HRH2: variants seen among roughly 807,000 people sequenced by gnomAD.
HRH2 encodes histamine H2 receptor.
Under a neutral mutation model 20.1 loss-of-function variants are expected in HRH2, and 4 were observed. The ratio of observed to expected loss-of-function variants is 0.20; its 90% CI spans 0.10 to 0.45. The LOEUF (loss-of-function observed/expected upper bound fraction) is 0.45, where lower values mean the gene tolerates loss of function less well. Ranked by LOEUF, HRH2 falls within the 20% of genes least tolerant of loss-of-function variation. The pLI, the probability that HRH2 is intolerant of heterozygous loss-of-function variation, is 0.99. For missense variants in HRH2, 250 were observed against 461.6 expected (o/e 0.54, Z 4.20); for synonymous variants, 197 against 200.7 (o/e 0.98, Z 0.16).
At chr5:175,695,726 C>CTG (rs1484256562) in intron 2 of HRH2, among the ~76,000 whole-genome samples, 1 of 152,166 alleles carries the variant, frequency 6.6e-6, no homozygotes, top group Non-Finnish European at 1.5e-5. Flanking sequence ...AGAAGTGCTG[C>CTG]GGGGGCAGCA....
intron 1 of HRH2, among the ~76,000 whole-genome samples, chr5:175,679,492 T>C (rs1467957677): frequency 2.0e-5 from 3 of 152,352 alleles, no homozygotes; most frequent in Non-Finnish European, 4.4e-5. Flanking sequence ...GAAAACAGCA[T>C]GTGCAAAGGC....
intron 2 of HRH2, among the ~76,000 whole-genome samples, chr5:175,707,464 T>A (rs1008795267): frequency 2.0e-5 from 3 of 152,020 alleles, no homozygotes; most frequent in African/African-American, 7.3e-5. Flanking sequence ...ACAAAAATCG[T>A]GAATTGGATA....
Position 175,683,115 on chromosome 5 carries a change from G to A in HRH2, c.-119G>A, listed in dbSNP as rs1181356019. 5.0e-6 allele frequency: 4 copies of A among 806,198 alleles called. No homozygotes were observed. Among genetic ancestry groups the A allele is most frequent in the Non-Finnish European group, 7.1e-6 (4 of 564,174 alleles). 49.9% of individuals were successfully genotyped at this position (806,198 alleles called of 1,614,324 possible). ...CCAAAAAAAAAAAAAAAAAAAAACT[G>A]GACACATTTTGGATCTGTTGGGAGC... On this transcript the variant is annotated 5_prime_UTR_variant, in exon 2 of 3. Transcript: ENST00000636584.
chr5:175,664,287 C>T (rs1762823198), intron 1 of HRH2, among the ~76,000 whole-genome samples: 1 of 152,208 alleles, frequency 6.6e-6, no homozygotes, highest in Non-Finnish European at 1.5e-5. Flanking sequence ...TTCATTCACA[C>T]ATTCAGTCAC....
intron 2 of HRH2, among the ~76,000 whole-genome samples, chr5:175,698,279 C>T (rs189217685): frequency 7.9e-5 from 12 of 152,318 alleles, no homozygotes; most frequent in Admixed American, 5.2e-4. Flanking sequence ...TCGTATTATC[C>T]GTCTGTGCCG....
intron 1 of HRH2, among the ~76,000 whole-genome samples, chr5:175,662,915 C>A (rs540036898): frequency 6.6e-6 from 1 of 152,336 alleles, no homozygotes; most frequent in East Asian, 1.9e-4. Flanking sequence ...TTCACAAAAA[C>A]TGAATCATAC....
In HRH2 at chr5:175,684,096, A is replaced by G. The variant is rs780368751; in HGVS notation, c.863A>G (p.Tyr288Cys). The G allele has an allele frequency of 6.2e-7, 1 of 1,614,060 alleles. No homozygotes were observed. The highest frequency in any genetic ancestry group is 1.3e-5 in the African/African-American group (1 of 74,898). The change falls in exon 2 of 3, where the codon TAT becomes TGT. Residue 288 changes from tyrosine (Y) to cysteine (C), a missense_variant. Tyr to Cys is a radical substitution (Grantham distance 194). Around this residue, in one of 5 missense-constraint regions of HRH2, gnomAD observed 58 missense variants for 166.8 expected, o/e 0.35. Transcript: ENST00000636584. ...AACTCAGCCCTGAACCCCATCCTGTATGCTGCGCTGAACAGAGACTTCCGC... is the reference window on the plus strand; with the variant it reads ...AACTCAGCCCTGAACCCCATCCTGTGTGCTGCGCTGAACAGAGACTTCCGC... ...YANSALNPILYAALNRDFRTG... is the reference protein window; with the variant it reads ...YANSALNPILCAALNRDFRTG...
intron 2 of HRH2, among the ~76,000 whole-genome samples, chr5:175,696,098 G>A (rs1323618401): frequency 2.0e-5 from 3 of 152,262 alleles, no homozygotes; most frequent in African/African-American, 7.2e-5. Flanking sequence ...GGGCTGGGAT[G>A]TAATGAGGGA....
chr5:175,692,731 A>T (rs935527353), intron 2 of HRH2, among the ~76,000 whole-genome samples: 1 of 152,336 alleles, frequency 6.6e-6, no homozygotes, highest in East Asian at 1.9e-4. Context: ...GGTGCCCCCC[A>T]TCTGAAAACG....
At chr5:175,695,827 C>T (rs527595536) in intron 2 of HRH2, among the ~76,000 whole-genome samples, 7 of 152,326 alleles carry the variant, frequency 4.6e-5, no homozygotes, top group East Asian at 3.9e-4. Flanking sequence ...GAGGAGTCTT[C>T]GAAGGGGCTG....
intron 1 of HRH2, among the ~76,000 whole-genome samples, chr5:175,679,955 C>CCT (rs937348442): frequency 1.3e-5 from 2 of 152,150 alleles, no homozygotes; most frequent in Non-Finnish European, 2.9e-5. Context: ...CATCACCTGG[C>CCT]CTCTTTGAGC....
chr5:175,699,680 T>G (rs1218636854), intron 2 of HRH2, among the ~76,000 whole-genome samples: 1 of 152,106 alleles, frequency 6.6e-6, no homozygotes, highest in Non-Finnish European at 1.5e-5. Flanking sequence ...TTCACGCCAT[T>G]CTCCTGCCTC....
In HRH2 at chr5:175,663,791, C is replaced by T. The variant is rs543456876; in HGVS notation, c.-526+5636C>T. 3.3e-5 allele frequency among the ~76,000 whole-genome samples: 5 copies of T among 152,306 alleles called. No individual in the cohort carries two copies. In the South Asian group the frequency reaches 8.3e-4, roughly 25 times the overall value. ...TAGCACACTTCAAGTTTTCTTTGAT[C>T]GTATTTTCCTGTTTGATAAGATCTT... On this transcript the variant is annotated intron_variant, in intron 1 of 2. Coordinates refer to ENST00000636584, the MANE Select transcript of HRH2 (RefSeq NM_001367711.1).
intron 2 of HRH2, among the ~76,000 whole-genome samples, chr5:175,694,228 A>G (rs927513759): frequency 2.0e-5 from 3 of 152,114 alleles, no homozygotes; most frequent in African/African-American, 7.2e-5. Flanking sequence ...AGATGATGGA[A>G]AAACTTAAAT....
chr5:175,694,129 A>C (rs1756481177), intron 2 of HRH2, among the ~76,000 whole-genome samples: 1 of 152,142 alleles, frequency 6.6e-6, no homozygotes, highest in Admixed American at 6.5e-5. Context: ...TTGCCCCAGG[A>C]GTGGAGCTTG....
At chr5:175,695,182 T>C (rs1168838428) in intron 2 of HRH2, among the ~76,000 whole-genome samples, 1 of 151,938 alleles carries the variant, frequency 6.6e-6, no homozygotes, top group Admixed American at 6.6e-5. Context: ...TCCCAACAAC[T>C]ACCTGGTAAT....
chr5:175,685,320 G>T (rs7730099), intron 2 of HRH2: 87,127 of 1,280,380 alleles, frequency 0.068, 9,897 homozygotes, highest in African/African-American at 0.48. Context: ...GGCTTTAGCT[G>T]CTGAAAAGAG....
At chr5:175,666,260 G>A (rs141529083) in intron 1 of HRH2, among the ~76,000 whole-genome samples, 189 of 152,294 alleles carry the variant, frequency 1.2e-3, no homozygotes, top group Non-Finnish European at 1.5e-3. Context: ...TCCTGGAAGC[G>A]ACAGTCTCAG....
chr5:175,661,823 C>T (rs2113466890), intron 1 of HRH2, among the ~76,000 whole-genome samples: 1 of 152,232 alleles, frequency 6.6e-6, no homozygotes, highest in East Asian at 1.9e-4. Context: ...AGTTCGAGAC[C>T]AGCCTGGCTA....
Sources: gnomAD v4.1 joint callset for allele counts (sites outside exome capture counted in the v4.1 genomes callset) on GRCh38, gnomAD v4.1.1 for gene constraint, gnomAD v4.1.1 regional missense constraint, MANE v1.5 for transcripts, NCBI Gene and HGNC (gene_info 2026-07-23, HGNC 2026-07-21) for gene names.